Variants in SCNN1B observed in about 807,000 individuals in gnomAD.
SCNN1B encodes sodium channel epithelial 1 subunit beta.
A neutral mutation model predicts 65.3 loss-of-function variants in SCNN1B; 46 were observed. The observed-to-expected ratio is 0.70, with a 90% confidence interval of 0.56 to 0.90. SCNN1B has a LOEUF of 0.90. Among genes scored for constraint, SCNN1B ranks in the 40% least tolerant of loss-of-function variants. The pLI is 0.00. For synonymous variants in SCNN1B, 349 were observed against 330.6 expected, an observed-to-expected ratio of 1.06 and a Z score of -0.60; for missense variants, 751 against 830.5, an observed-to-expected ratio of 0.90 and a Z score of 1.18.
At chr16:23,304,041 G>T (rs1398500259) in intron 1 of SCNN1B, 5 of 1,533,920 alleles carry the variant, frequency 3.3e-6, no homozygotes, top group South Asian at 2.4e-5. Flanking sequence ...TTAAACTGCT[G>T]CATGGATTCC....
intron 2 of SCNN1B, among the ~76,000 whole-genome samples, chr16:23,285,306 G>A (rs985992787): frequency 4.6e-5 from 7 of 152,056 alleles, no homozygotes; most frequent in African/African-American, 1.7e-4. Context: ...CCCAGTAGCT[G>A]GGACTACAGG....
At chr16:23,343,589 AAG>A (rs1491470087) in intron 1 of SCNN1B, among the ~76,000 whole-genome samples, 1 of 53,158 alleles carries the variant, frequency 1.9e-5, no homozygotes, top group Non-Finnish European at 4.3e-5. Flanking sequence ...AAGAGAAAGA[AAG>A]AAAGAAAGAA....
chr16:23,353,154 G>A lies in SCNN1B; in HGVS notation c.585+80G>A, dbSNP rs905060302. Reference sequence around the variant, plus strand: ...GGGTGTTTCTTTTCTGTAGTAATTTGAGTCTCGCTGGGGGAAAGACAAGAT... The same window carrying A: ...GGGTGTTTCTTTTCTGTAGTAATTTAAGTCTCGCTGGGGGAAAGACAAGAT... On this transcript the variant is annotated intron_variant, in intron 3 of 12. Transcript: ENST00000343070. The A allele has an allele frequency of 2.7e-6, 4 of 1,478,610 alleles. No individual in the cohort carries two copies. In the South Asian group the frequency reaches 3.4e-5, roughly 13 times the overall value. The allele number at this position is 1,478,610 out of a possible 1,614,324, so 91.6% of individuals were successfully genotyped here.
upstream of SCNN1B, among the ~76,000 whole-genome samples, chr16:23,301,558 T>G (rs1285193776): frequency 6.6e-6 from 1 of 152,072 alleles, no homozygotes; most frequent in East Asian, 1.9e-4. Context: ...GTTAAGGATA[T>G]TGGCAAGAAA....
intron 2 of SCNN1B, among the ~76,000 whole-genome samples, chr16:23,349,846 C>T (rs1272484337): frequency 6.6e-6 from 1 of 151,672 alleles, no homozygotes; most frequent in Non-Finnish European, 1.5e-5. Flanking sequence ...ACCTGTAATC[C>T]CAGCATTTTG....
Position 23,348,552 on chromosome 16 carries a change from T to C in SCNN1B, c.-8-40T>C. On this transcript the variant is annotated intron_variant, in intron 1 of 12. Coordinates refer to ENST00000343070, the MANE Select transcript of SCNN1B (RefSeq NM_000336.3). The surrounding 1 kb of genome is among the most constrained non-coding windows in gnomAD (Gnocchi z 4.5). Reference sequence around the variant, plus strand: ...ACTGGGACATCCTCGCAGGCAAGGCTGGTGTCCCAGCTGATGTGCGTCCCC... The same window carrying C: ...ACTGGGACATCCTCGCAGGCAAGGCCGGTGTCCCAGCTGATGTGCGTCCCC... 6.2e-7 allele frequency: 1 copy of C among 1,602,464 alleles called. No individual in the cohort carries two copies. The highest frequency in any genetic ancestry group is 8.5e-7 in the Non-Finnish European group (1 of 1,172,580).
intron 4 of SCNN1B, among the ~76,000 whole-genome samples, chr16:23,367,086 T>G (rs1428743344): frequency 1.3e-5 from 2 of 152,148 alleles, no homozygotes; most frequent in Non-Finnish European, 2.9e-5. Context: ...CTCTTCTGTG[T>G]CTTCTAAGGA....
intron 2 of SCNN1B, among the ~76,000 whole-genome samples, chr16:23,350,719 C>A (rs759946156): frequency 6.6e-6 from 1 of 152,118 alleles, no homozygotes; most frequent in Non-Finnish European, 1.5e-5. Flanking sequence ...TCGAGACCAG[C>A]CTGCCCAACA....
intron 11 of SCNN1B, among the ~76,000 whole-genome samples, chr16:23,379,206 C>T (rs1456302790): frequency 6.8e-6 from 1 of 147,872 alleles, no homozygotes; most frequent in Non-Finnish European, 1.5e-5. Context: ...CCATCATCCA[C>T]CTCTCCATTC....
upstream of SCNN1B, among the ~76,000 whole-genome samples, chr16:23,301,937 C>G (rs1050527379): frequency 1.3e-5 from 2 of 152,036 alleles, no homozygotes; most frequent in African/African-American, 4.8e-5. Context: ...TACTGGTGAG[C>G]GCGATGCTTC....
At chr16:23,379,600 G>A (rs1444778632) in intron 11 of SCNN1B, among the ~76,000 whole-genome samples, 4 of 152,182 alleles carry the variant, frequency 2.6e-5, no homozygotes, top group Admixed American at 6.5e-5. Flanking sequence ...TGCCCACACA[G>A]CCACCCTTCT....
intron 1 of SCNN1B, chr16:23,303,826 G>T (rs149739273): frequency 9.8e-5 from 55 of 563,008 alleles, no homozygotes; most frequent in Non-Finnish European, 1.4e-4. Context: ...GGCTGACGCA[G>T]GTGGATCGCT....
At chr16:23,330,157 G>A (rs569424920) in intron 1 of SCNN1B, among the ~76,000 whole-genome samples, 1 of 152,226 alleles carries the variant, frequency 6.6e-6, no homozygotes, top group Non-Finnish European at 1.5e-5. Context: ...GCCTTTGAGG[G>A]CCTTAGGAAA....
At chr16:23,331,405 ACCTCTG>A (rs2142001320) in intron 1 of SCNN1B, among the ~76,000 whole-genome samples, 1 of 151,116 alleles carries the variant, frequency 6.6e-6, no homozygotes, top group Admixed American at 6.6e-5. Context: ...ACTCACTACA[ACCTCTG>A]CCTCCTGGGT....
At chr16:23,289,575 C>T (rs1960894397) in intron 2 of SCNN1B, among the ~76,000 whole-genome samples, 1 of 151,782 alleles carries the variant, frequency 6.6e-6, no homozygotes, top group Admixed American at 6.6e-5. Context: ...AGAAATCCCT[C>T]CCCAACCTCA....
At chr16:23,310,184 C>T (rs1961310365) in intron 1 of SCNN1B, among the ~76,000 whole-genome samples, 1 of 151,160 alleles carries the variant, frequency 6.6e-6, no homozygotes. Context: ...TGAGACCAGC[C>T]TGGGCAGCAT....
intron 1 of SCNN1B, among the ~76,000 whole-genome samples, chr16:23,307,360 C>A (rs910906402): frequency 6.9e-5 from 10 of 144,472 alleles, no homozygotes; most frequent in Non-Finnish European, 1.2e-4. Flanking sequence ...ATTCTTGTCA[C>A]CCAGGCTGGA....
intron 1 of SCNN1B, among the ~76,000 whole-genome samples, chr16:23,328,776 G>A (rs965959332): frequency 1.2e-4 from 19 of 152,232 alleles, no homozygotes; most frequent in African/African-American, 3.9e-4. Flanking sequence ...TACCTTGAGC[G>A]TTTATTTTTG....
chr16:23,331,325 C>T (rs1288706410), intron 1 of SCNN1B, among the ~76,000 whole-genome samples: 1 of 138,178 alleles, frequency 7.2e-6, no homozygotes, highest in Non-Finnish European at 1.6e-5. Context: ...TTCCTAGTCA[C>T]TTTTTTTTTT....
Sources: gnomAD v4.1 joint callset for allele counts (sites outside exome capture counted in the v4.1 genomes callset) on GRCh38, gnomAD v4.1.1 for gene constraint, Gnocchi (gnomAD v3.1) non-coding constraint, MANE v1.5 for transcripts, NCBI Gene and HGNC (gene_info 2026-07-23, HGNC 2026-07-21) for gene names.